Variants in RARS2 observed in about 807,000 individuals in gnomAD.
RARS2 encodes arginyl-tRNA synthetase 2, mitochondrial.
In RARS2, 67 loss-of-function variants were observed where a neutral mutation model predicts 88.5. The observed-to-expected ratio is 0.76, with a 90% CI of 0.62 to 0.93. The LOEUF is 0.93. RARS2 is among the 40% of genes least tolerant of loss of function. RARS2 has a pLI of 0.00. For missense variants in RARS2, 664 were observed against 684.2 expected, an observed-to-expected ratio of 0.97 and a Z score of 0.33; for synonymous variants, 239 against 230.3, an observed-to-expected ratio of 1.04 and a Z score of -0.34.
rs961521221 is a variant in RARS2 at position 87,518,356 on chromosome 6, A to G, written c.1416-92T>C. On this transcript the variant is annotated intron_variant, in intron 16 of 19. Coordinates refer to ENST00000369536, the MANE Select transcript of RARS2 (RefSeq NM_020320.5). ...AGTGATGAACATGACCTTATAATAC[A>G]CAATTTTGGTCTCCTTAATATCCAT... 3.8e-6 allele frequency: 6 copies of G among 1,594,164 alleles called. No homozygotes were observed. The African/African-American group carries it at 6.7e-5, about 18-fold the overall frequency.
chr6:87,564,269 C>T (rs773822185), intron 2 of RARS2, 37 bp from the exon 3 acceptor site: 1 of 1,422,644 alleles, frequency 7.0e-7, no homozygotes, highest in Non-Finnish European at 9.9e-7. Flanking sequence ...GAACTGTTAC[C>T]TTAAAAGCAT....
chr6:87,530,824 A>T lies in RARS2; in HGVS notation c.731T>A (p.Phe244Tyr), dbSNP rs979474350. 3.1e-6 allele frequency: 5 copies of T among 1,614,196 alleles called. No homozygotes were observed. The highest frequency in any genetic ancestry group is 4.2e-6 in the Non-Finnish European group (5 of 1,180,016). The part of the protein sequence containing the change: ...DVQALSLWQK[F>Y]RDLSIEEYIR... ...GTACTCTTCAATGCTCAAGTCCCGAAATTTTTGCCACAGTGAAAGTGCTTG... is the reference window on the plus strand; with the variant it reads ...GTACTCTTCAATGCTCAAGTCCCGATATTTTTGCCACAGTGAAAGTGCTTG... Residue 244 changes from phenylalanine (F) to tyrosine (Y), a missense_variant, in exon 9 of 20, where the codon TTT (phenylalanine) becomes TAT (tyrosine). By Grantham distance (22) the Phe-to-Tyr change is conservative. Transcript: ENST00000369536.
At chr6:87,557,490 G>A (rs1479187164) in intron 4 of RARS2, among the ~76,000 whole-genome samples, 2 of 152,114 alleles carry the variant, frequency 1.3e-5, no homozygotes, top group African/African-American at 4.8e-5. Flanking sequence ...ACAGTTAATC[G>A]TAGTAAGTTA....
At chr6:87,521,636 C>A in intron 11 of RARS2, 112 bp from the exon 12 acceptor site, 1 of 782,474 alleles carries the variant, frequency 1.3e-6, no homozygotes, top group South Asian at 1.4e-5. Flanking sequence ...AATTATACCA[C>A]AGCCTGAGGA....
chr6:87,521,397 C>T, intron 12 of RARS2, 67 bp downstream of exon 12: 1 of 1,217,686 alleles, frequency 8.2e-7, no homozygotes. Flanking sequence ...TTCAACATGG[C>T]ATCCAATTTC....
rs2127987942 is a variant in RARS2, at chr6:87,515,006, A to G, written c.1601T>C (p.Val534Ala). The change falls in exon 19 of 20, where the codon GTG becomes GCG. Residue 534 changes from valine to alanine, a missense_variant. Val to Ala is a moderately conservative substitution (Grantham distance 64, BLOSUM62 0). Transcript: ENST00000369536. ...TTTTATTTGTAGTGTTTTGTGTGCC[A>G]CAGCTGCAAGATGACTGAAACAGGA... ...YLLTLSHLAA[V>A]AHKTLQIKDS... The G allele has an allele frequency of 6.2e-7, 1 of 1,613,308 alleles. No homozygotes were observed. Among genetic ancestry groups the G allele is most frequent in the African/African-American group, 1.3e-5 (1 of 75,048 alleles).
At chr6:87,543,244 G>C (rs4383775) in intron 7 of RARS2, among the ~76,000 whole-genome samples, 12,191 of 148,424 alleles carry the variant, frequency 0.082, 499 homozygotes, top group East Asian at 0.1. Context: ...CGGAGGTTGC[G>C]GTGAGCCGAG....
At chr6:87,573,242 G>A (rs1389605724) in intron 1 of RARS2, among the ~76,000 whole-genome samples, 2 of 152,042 alleles carry the variant, frequency 1.3e-5, no homozygotes, top group African/African-American at 2.4e-5. Context: ...GTGGGAGCAG[G>A]AGGAAAAGTG....
chr6:87,530,718 C>T, intron 9 of RARS2, 66 bp downstream of exon 9: 1 of 1,550,398 alleles, frequency 6.4e-7, no homozygotes, highest in Non-Finnish European at 8.9e-7. Context: ...CGCAACTTTA[C>T]TATGCAGGTA....
chr6:87,562,646 T>C (rs1788186120), intron 4 of RARS2, 56 bp downstream of exon 4: 2 of 1,338,312 alleles, frequency 1.5e-6, no homozygotes, highest in Non-Finnish European at 2.2e-6. Context: ...GGAAGACCAC[T>C]GTGGCTGAAG....
chr6:87,526,333 T>C (rs1269711365), intron 10 of RARS2, among the ~76,000 whole-genome samples: 2 of 152,116 alleles, frequency 1.3e-5, no homozygotes, highest in Non-Finnish European at 2.9e-5. Flanking sequence ...CTGGGCAACA[T>C]GGTGAAACTC....
rs1294598870 is a variant in RARS2, at chr6:87,557,246, ACT to A, written c.298-1743_298-1742del. On this transcript the variant is annotated intron_variant, in intron 4 of 19. Transcript: ENST00000369536. Reference sequence around the variant, plus strand: ...TGCACAAGGACGTAGAGAAAATAATACTCTCTTGACTCACATTGTGCAATAAG... The same window carrying A: ...TGCACAAGGACGTAGAGAAAATAATACTCTTGACTCACATTGTGCAATAAG... Among the ~76,000 whole-genome samples the A allele has an allele frequency of 1.1e-4, 17 of 152,274 alleles. No homozygotes were observed. In the South Asian group the frequency reaches 2.7e-3, roughly 24 times the overall value.
chr6:87,586,183 G>T (rs1775096033), intron 1 of RARS2, among the ~76,000 whole-genome samples: 1 of 152,200 alleles, frequency 6.6e-6, no homozygotes, highest in South Asian at 2.1e-4. Context: ...GTCAATATAG[G>T]TGATAATGGG....
chr6:87,523,021 A>G (rs1774450412), intron 11 of RARS2, among the ~76,000 whole-genome samples: 1 of 152,232 alleles, frequency 6.6e-6, no homozygotes, highest in Non-Finnish European at 1.5e-5. Flanking sequence ...TAGGAAAAAT[A>G]TGGCTGAAAA....
chr6:87,554,321 C>G (rs560788261), intron 5 of RARS2, among the ~76,000 whole-genome samples: 5 of 152,216 alleles, frequency 3.3e-5, no homozygotes, highest in South Asian at 2.1e-4. Flanking sequence ...AAATATCAGA[C>G]AGTTATACTG....
At chr6:87,556,790 C>CAAAAAA (rs71018038) in intron 4 of RARS2, among the ~76,000 whole-genome samples, 59 of 76,950 alleles carry the variant, frequency 7.7e-4, no homozygotes, top group African/African-American at 3.3e-3. Context: ...GACTCTGTCT[C>CAAAAAA]AAAAAAAAAA....
At chr6:87,524,527 C>A in intron 11 of RARS2, 30 bp downstream of exon 11, 1 of 1,513,014 alleles carries the variant, frequency 6.6e-7, no homozygotes, top group South Asian at 1.1e-5. Context: ...GATTTAGAAC[C>A]AAATGTTGAC....
In RARS2 at chr6:87,514,991, A is replaced by T. The variant is rs1057522050; in HGVS notation, c.1616T>A (p.Leu539Gln). ...TTCAGGAGGACTATCTTTTATTTGTAGTGTTTTGTGTGCCACAGCTGCAAG... is the reference window on the plus strand; with the variant it reads ...TTCAGGAGGACTATCTTTTATTTGTTGTGTTTTGTGTGCCACAGCTGCAAG... ...SHLAAVAHKTLQIKDSPPEVA... is the reference protein window; with the variant it reads ...SHLAAVAHKTQQIKDSPPEVA... Residue 539 changes from leucine (L) to glutamine (Q), a missense_variant, in exon 19 of 20, where the codon CTA becomes CAA. Transcript: ENST00000369536. 5 of 1,613,432 alleles carry T rather than the reference A, an allele frequency of 3.1e-6. No homozygotes were observed. In the Admixed American group the frequency reaches 8.3e-5, roughly 27 times the overall value.
chr6:87,536,058 A>G (rs968739505), intron 8 of RARS2, among the ~76,000 whole-genome samples: 4 of 152,098 alleles, frequency 2.6e-5, no homozygotes, highest in South Asian at 2.1e-4. Flanking sequence ...TTTATCTCTT[A>G]TAAGAGGCTG....
Sources: allele counts gnomAD v4.1 joint callset (sites outside exome capture counted in the v4.1 genomes callset), GRCh38; gene constraint gnomAD v4.1.1; transcripts MANE v1.5; gene names NCBI Gene and HGNC (gene_info 2026-07-23, HGNC 2026-07-21).